The following SMS variants were observed in gnomAD, a reference collection of about 807,000 sequenced individuals.
SMS encodes the protein spermidine aminopropyltransferase.
In SMS, 3 loss-of-function variants were observed where a neutral mutation model predicts 33.0. That is an observed-to-expected ratio of 0.09 (90% CI 0.04 to 0.23). The LOEUF (loss-of-function observed/expected upper bound fraction) is 0.23, where lower values mean the gene tolerates loss of function less well. Among genes scored for constraint, SMS ranks in the 10% least tolerant of loss-of-function variants. The probability of loss-of-function intolerance (pLI) is 1.00; values close to 1 mark genes in which losing one functional copy is unlikely to be tolerated. For missense variants in SMS, 117 were observed against 288.6 expected (o/e 0.41, Z 4.31); for synonymous variants, 103 against 112.2 (o/e 0.92, Z 0.52).
At chrX:21,949,543 C>T (rs1922466011) in intron 1 of SMS, among the ~76,000 whole-genome samples, 1 of 112,122 alleles carries the variant, frequency 8.9e-6, no homozygotes, top group Non-Finnish European at 1.9e-5. Context: ...GTGATTAAAG[C>T]AGAATTTTAA....
chrX:21,956,454 T>A (rs12862601), intron 1 of SMS, among the ~76,000 whole-genome samples: 16,332 of 109,544 alleles, frequency 0.15, 1,108 homozygotes, highest in South Asian at 0.28. Flanking sequence ...TGGCTAATTT[T>A]TTTTTATTTT....
chrX:21,961,643 T>C (rs1241856408), intron 1 of SMS, among the ~76,000 whole-genome samples: 2 of 111,314 alleles, frequency 1.8e-5, no homozygotes, highest in Non-Finnish European at 3.8e-5. Context: ...TCCCTTCCTT[T>C]AGTAGTGGTG....
intron 4 of SMS, among the ~76,000 whole-genome samples, chrX:21,973,766 G>T (rs1402900808): frequency 8.8e-6 from 1 of 113,268 alleles, no homozygotes; most frequent in Non-Finnish European, 1.9e-5. Context: ...CAGTTCCTTA[G>T]TCACAATAGC....
In SMS at chrX:21,980,429, A is replaced by AAAAAATATAT. The variant is rs1260210326; in HGVS notation, c.750+1464_750+1465insAAAATATATA. The stretch of plus-strand genomic sequence containing the variant: ...GAGACTGTCTCCAAAAAAAAAAAAA[A>AAAAAATATAT]ATATATATATATATATATATATATT... On this transcript the variant is annotated intron_variant, in intron 7 of 10. Coordinates refer to ENST00000404933, the MANE Select transcript of SMS (RefSeq NM_004595.5). Among the ~76,000 whole-genome samples, 13 of 63,046 alleles carry AAAAAATATAT rather than the reference A, an allele frequency of 2.1e-4. No individual in the cohort carries two copies. The South Asian group carries it at 4.4e-3, about 22-fold the overall frequency. 54.7% of individuals were successfully genotyped at this position (63,046 alleles called of 115,157 possible).
intron 1 of SMS, among the ~76,000 whole-genome samples, chrX:21,962,009 T>C (rs963359739): frequency 3.4e-4 from 38 of 112,579 alleles, no homozygotes; most frequent in African/African-American, 1.1e-3. Flanking sequence ...GACCTTGCTA[T>C]CCTGTGTTCT....
At chrX:21,985,457 G>C (rs1348974456) in intron 9 of SMS, among the ~76,000 whole-genome samples, 2 of 111,597 alleles carry the variant, frequency 1.8e-5, no homozygotes, top group Non-Finnish European at 3.8e-5. Flanking sequence ...GACACAGACT[G>C]ATTTTCTTTT....
At chrX:21,954,957 C>T (rs779663320) in intron 1 of SMS, among the ~76,000 whole-genome samples, 10 of 110,489 alleles carry the variant, frequency 9.1e-5, no homozygotes, top group Non-Finnish European at 1.7e-4. Flanking sequence ...TTGCCCCAGC[C>T]TCCCGAGTAG....
At chrX:21,973,504 C>T (rs1924326970) in intron 4 of SMS, among the ~76,000 whole-genome samples, 1 of 112,953 alleles carries the variant, frequency 8.9e-6, no homozygotes, top group South Asian at 3.6e-4. Context: ...TTTTCTCCTT[C>T]AGGCTCTAGG....
chrX:21,979,081 C>T (rs1176839042), intron 7 of SMS, 115 bp downstream of exon 7: 3 of 544,719 alleles, frequency 5.5e-6, no homozygotes, highest in African/African-American at 4.6e-5. Context: ...ATAAATACAT[C>T]ATCTGTCTCT....
chrX:21,993,579 C>T (rs892902084), intron 10 of SMS, among the ~76,000 whole-genome samples: 2 of 111,802 alleles, frequency 1.8e-5, no homozygotes, highest in Admixed American at 9.5e-5. Flanking sequence ...GGGCAGAGCC[C>T]GACGGGGCAA....
At chrX:21,972,658 C>T in intron 4 of SMS, 87 bp downstream of exon 4, 3 of 659,677 alleles carry the variant, frequency 4.5e-6, no homozygotes, top group Non-Finnish European at 7.4e-6. Context: ...CCTGTAATCC[C>T]AGCAATTTAG....
At chrX:21,958,698 T>C (rs1298159076) in intron 1 of SMS, among the ~76,000 whole-genome samples, 1 of 112,133 alleles carries the variant, frequency 8.9e-6, no homozygotes, top group Non-Finnish European at 1.9e-5. Flanking sequence ...TTTTTTGAGG[T>C]AAAGTTTTGC....
intron 1 of SMS, among the ~76,000 whole-genome samples, chrX:21,952,425 T>G (rs765161125): frequency 5.1e-4 from 55 of 108,059 alleles, no homozygotes; most frequent in Middle Eastern, 9.4e-3. Context: ...TTGTTTGTTT[T>G]TTTTTTTTTT....
At chrX:21,981,500 T>C (rs1186958777) in intron 7 of SMS, among the ~76,000 whole-genome samples, 1 of 111,939 alleles carries the variant, frequency 8.9e-6, no homozygotes, top group Non-Finnish European at 1.9e-5. Context: ...GTCCTATTTG[T>C]TGTTAATGTA....
At chrX:21,954,091 C>A (rs962848453) in intron 1 of SMS, among the ~76,000 whole-genome samples, 1 of 111,184 alleles carries the variant, frequency 9.0e-6, no homozygotes, top group Non-Finnish European at 1.9e-5. Flanking sequence ...AAGCAAGAGT[C>A]TTAGTTATGT....
At chrX:21,969,830 T>C (rs755882703) in intron 2 of SMS, among the ~76,000 whole-genome samples, 2 of 112,946 alleles carry the variant, frequency 1.8e-5, no homozygotes, top group Admixed American at 1.9e-4. Context: ...TGTTGTTGTT[T>C]TTGAGACCGA....
chrX:21,947,486 T>C (rs903962554), intron 1 of SMS, among the ~76,000 whole-genome samples: 1 of 112,090 alleles, frequency 8.9e-6, no homozygotes, highest in Non-Finnish European at 1.9e-5. Context: ...CAACAAAAAC[T>C]TGTCTGAAAC....
chrX:21,982,605 T>A (rs1925041014), intron 7 of SMS, among the ~76,000 whole-genome samples: 3 of 112,448 alleles, frequency 2.7e-5, no homozygotes, highest in African/African-American at 6.5e-5. Context: ...ATTATAGCTG[T>A]GCTTGTAGTG....
rs1158454124 is a variant in SMS, at chrX:21,964,700, A to C, written c.50-2496A>C. On this transcript the variant is annotated intron_variant, in intron 1 of 10. Transcript: ENST00000404933. ...AGTTTTGTTCCAGATGTTGTCCATG[A>C]GTTTTGGCTGGGCTATCAACTGCTC... Among the ~76,000 whole-genome samples the C allele has an allele frequency of 7.2e-5, 8 of 111,747 alleles. No homozygotes were observed. In the Admixed American group the frequency reaches 7.6e-4, roughly 11 times the overall value.
Sources: gnomAD v4.1 joint callset for allele counts (sites outside exome capture counted in the v4.1 genomes callset) on GRCh38, gnomAD v4.1.1 for gene constraint, MANE v1.5 for transcripts, NCBI Gene and HGNC (gene_info 2026-07-23, HGNC 2026-07-21) for gene names.